Variants in DBT observed in about 807,000 individuals in gnomAD.
DBT encodes the protein lipoamide acyltransferase component of branched-chain alpha-keto acid dehydrogenase complex, mitochondrial.
A neutral mutation model predicts 51.3 loss-of-function variants in DBT; 40 were observed. The observed-to-expected ratio is 0.78, with a 90% CI of 0.61 to 1.02. The LOEUF is 1.02. Ranked by LOEUF, DBT falls within the 50% of genes least tolerant of loss-of-function variation. The pLI is 0.00. For missense variants in DBT, 510 were observed against 580.2 expected (o/e 0.88, Z 1.24); for synonymous variants, 181 against 190.4 (o/e 0.95, Z 0.41).
rs1431430059 is a variant in DBT, at chr1:100,189,633, A to G, written c.*6622T>C. Reference sequence around the variant, plus strand: ...ACTGGGGAAAAAAGCCAGGATTGCAAGGAGTTAAAGATCACCCATTCAAGA... The same window carrying G: ...ACTGGGGAAAAAAGCCAGGATTGCAGGGAGTTAAAGATCACCCATTCAAGA... On this transcript the variant is annotated 3_prime_UTR_variant, in exon 11 of 11. Transcript: ENST00000370132. 2.6e-5 allele frequency: 4 copies of G among 152,236 alleles called. No homozygotes were observed. The highest frequency in any genetic ancestry group is 5.9e-5 in the Non-Finnish European group (4 of 68,064). 9.4% of individuals were successfully genotyped at this position (152,236 alleles called of 1,614,324 possible). A position where few individuals can be genotyped will look rare whatever the true frequency, so the allele number is the denominator to read the frequency against.
At chr1:100,200,330 G>T (rs750280011) in intron 10 of DBT, among the ~76,000 whole-genome samples, 14 of 152,210 alleles carry the variant, frequency 9.2e-5, no homozygotes, top group Non-Finnish European at 1.8e-4. Context: ...GCTCAGCAAA[G>T]CCACTGTATC....
Position 100,225,047 on chromosome 1 carries a change from A to ATATG in DBT, c.433+5685_433+5686insCATA, listed in dbSNP as rs1553231601. 1.6e-4 allele frequency among the ~76,000 whole-genome samples: 13 copies of ATATG among 81,484 alleles called. 1 individual carries two copies. The highest frequency in any genetic ancestry group is 2.8e-4 in the Admixed American group (2 of 7,110). The allele number at this position is 81,484 out of a possible 152,430, so 53.5% of individuals were successfully genotyped here. A position where few individuals can be genotyped will look rare whatever the true frequency, so the allele number is the denominator to read the frequency against. On this transcript the variant is annotated intron_variant, in intron 4 of 10. Coordinates refer to ENST00000370132, the MANE Select transcript of DBT (RefSeq NM_001918.5). ...CAAAAAAAAAAAAAAAAAAAAATATATATATACACACACACACACACACAC... is the reference window on the plus strand; with the variant it reads ...CAAAAAAAAAAAAAAAAAAAAATATATATGTATATACACACACACACACACACAC...
chr1:100,237,677 T>G (rs750833961), intron 2 of DBT, among the ~76,000 whole-genome samples: 1 of 152,178 alleles, frequency 6.6e-6, no homozygotes, highest in African/African-American at 2.4e-5. Flanking sequence ...CTCACTCTGT[T>G]GCCCAGGCTG....
At chr1:100,210,322 TAATAAGAAGAAGAAGAAG>T (rs1557945989) in intron 8 of DBT, among the ~76,000 whole-genome samples, 1 of 63,798 alleles carries the variant, frequency 1.6e-5, no homozygotes, top group Non-Finnish European at 4.4e-5. Flanking sequence ...ATAATAATAA[TAATAAGAAGAAGAAGAAG>T]AAGAAGAATA....
At chr1:100,206,363 C>G in intron 9 of DBT, 62 bp from the exon 10 acceptor site, 1 of 1,564,222 alleles carries the variant, frequency 6.4e-7, no homozygotes, top group Non-Finnish European at 8.8e-7. Flanking sequence ...GGAACAAATG[C>G]CAAGTGACTT....
rs1395424399 is a variant in DBT, at chr1:100,216,067, G to T, written c.688C>A (p.Pro230Thr). Reference protein sequence around the residue: ...SPKVEIMPPPPKPKDMTVPIL... With the variant: ...SPKVEIMPPPTKPKDMTVPIL... ...GGAACAGTCATGTCTTTTGGCTTTG[G>T]TGGAGGTGGCATAATTTCAACTTTG... The change falls in exon 6 of 11, where the codon CCA becomes ACA. Residue 230 changes from proline to threonine, a missense_variant. Physicochemically the swap from Pro to Thr is conservative, Grantham distance 38. Coordinates refer to ENST00000370132, the MANE Select transcript of DBT (RefSeq NM_001918.5). The T allele has an allele frequency of 6.2e-7, 1 of 1,613,574 alleles. No individual in the cohort carries two copies. Among genetic ancestry groups the T allele is most frequent in the Non-Finnish European group, 8.5e-7 (1 of 1,179,668 alleles).
chr1:100,242,708 C>T (rs1005882637), intron 1 of DBT, among the ~76,000 whole-genome samples: 1 of 152,084 alleles, frequency 6.6e-6, no homozygotes, highest in Admixed American at 6.5e-5. Flanking sequence ...GACTCTTGGT[C>T]AACAATAAAA....
At chr1:100,244,063 CAAAAAAA>C (rs1162401280) in intron 1 of DBT, among the ~76,000 whole-genome samples, 2 of 79,040 alleles carry the variant, frequency 2.5e-5, no homozygotes, top group African/African-American at 1.0e-4. Flanking sequence ...AATTCTATCT[CAAAAAAA>C]AAAAAAAAAA....
chr1:100,237,749 AC>A (rs1223413100), intron 2 of DBT, among the ~76,000 whole-genome samples: 1 of 152,006 alleles, frequency 6.6e-6, no homozygotes, highest in African/African-American at 2.4e-5. Context: ...TGATCCTCCC[AC>A]CTCAGCTAGG....
chr1:100,244,063 C>CAAAAAA (rs1162401280), intron 1 of DBT, among the ~76,000 whole-genome samples: 1 of 79,036 alleles, frequency 1.3e-5, no homozygotes, highest in Non-Finnish European at 2.4e-5. Context: ...AATTCTATCT[C>CAAAAAA]AAAAAAAAAA....
In DBT at chr1:100,230,713, G is replaced by C. The variant is rs1663504961; in HGVS notation, c.433+20C>G. 6.5e-7 allele frequency: 1 copy of C among 1,548,586 alleles called. No individual in the cohort carries two copies. Among genetic ancestry groups the C allele is most frequent in the Non-Finnish European group, 8.9e-7 (1 of 1,126,632 alleles). On this transcript the variant is annotated intron_variant, in intron 4 of 10. Coordinates refer to ENST00000370132, the MANE Select transcript of DBT (RefSeq NM_001918.5). ...GACCAATAATCAATTTGGTAAAATA[G>C]ATTAACAGACTTACAATACCTTTTA...
intron 1 of DBT, among the ~76,000 whole-genome samples, chr1:100,244,036 C>G (rs1011222582): frequency 1.5e-5 from 2 of 135,238 alleles, no homozygotes; most frequent in African/African-American, 2.8e-5. Context: ...GCACTCCAGC[C>G]TAGGCAACAA....
At chr1:100,223,235 G>T (rs146411427) in intron 4 of DBT, among the ~76,000 whole-genome samples, 1 of 152,132 alleles carries the variant, frequency 6.6e-6, no homozygotes, top group Non-Finnish European at 1.5e-5. Context: ...AAAAGTTTTG[G>T]AACAAAGAGG....
chr1:100,248,783 TTCTTACA>T (rs1322516740), intron 1 of DBT, among the ~76,000 whole-genome samples: 3 of 152,212 alleles, frequency 2.0e-5, no homozygotes, highest in African/African-American at 7.2e-5. Context: ...TTACTTATCC[TTCTTACA>T]TCTCAAGTCA....
intron 1 of DBT, among the ~76,000 whole-genome samples, chr1:100,246,183 G>A (rs1040148656): frequency 3.3e-5 from 5 of 151,808 alleles, no homozygotes; most frequent in African/African-American, 4.8e-5. Flanking sequence ...GCTTGAACCC[G>A]GGAGGCGGAG....
chr1:100,230,796 T>G lies in DBT; in HGVS notation c.370A>C (p.Asn124His). 6.2e-7 allele frequency: 1 copy of G among 1,611,668 alleles called. No individual in the cohort carries two copies. Among genetic ancestry groups the G allele is most frequent in the Non-Finnish European group, 8.5e-7 (1 of 1,178,064 alleles). ...CCCACATAGGCAATATCGTCTAGAT[T>G]ATAATAGAGTTTTTTAATGACTCCA... ...YDGVIKKLYY[N>H]LDDIAYVGKP... The change falls in exon 4 of 11, where the codon AAT becomes CAT. Residue 124 changes from asparagine (N) to histidine (H), a missense_variant. Transcript: ENST00000370132.
chr1:100,211,547 G>A (rs553121372), intron 7 of DBT, among the ~76,000 whole-genome samples: 1 of 152,216 alleles, frequency 6.6e-6, no homozygotes, highest in East Asian at 1.9e-4. Context: ...GCCCTTGTCT[G>A]GTCCCTGTTA....
intron 10 of DBT, among the ~76,000 whole-genome samples, chr1:100,203,816 T>C (rs921744793): frequency 6.6e-6 from 1 of 152,162 alleles, no homozygotes; most frequent in Admixed American, 6.5e-5. Context: ...TCAATAAACA[T>C]AATCCATCAC....
intron 10 of DBT, 54 bp from the exon 11 acceptor site, chr1:100,196,476 T>C: frequency 6.5e-7 from 1 of 1,543,264 alleles, no homozygotes; most frequent in Admixed American, 1.8e-5. Context: ...AGAGTAAACC[T>C]TCACTTGTTC....
Sources: gnomAD v4.1 joint callset for allele counts (sites outside exome capture counted in the v4.1 genomes callset) on GRCh38, gnomAD v4.1.1 for gene constraint, MANE v1.5 for transcripts, NCBI Gene and HGNC (gene_info 2026-07-23, HGNC 2026-07-21) for gene names.